The following ANKRD30B variants were observed in gnomAD, a reference collection of about 807,000 sequenced individuals.
ANKRD30B encodes the protein ankyrin repeat domain 30B.
In ANKRD30B, 144 loss-of-function variants were observed where a neutral mutation model predicts 202.2. The observed-to-expected ratio is 0.71, with a 90% CI of 0.62 to 0.82. The LOEUF (loss-of-function observed/expected upper bound fraction) is 0.82. Among genes scored for constraint, ANKRD30B ranks in the 40% least tolerant of loss-of-function variants. The pLI is 0.00. For missense variants in ANKRD30B, 1,487 were observed against 1,669.1 expected (o/e 0.89, Z 1.90); for synonymous variants, 508 against 561.3 (o/e 0.91, Z 1.34).
intron 4 of ANKRD30B, among the ~76,000 whole-genome samples, chr18:14,757,515 A>G (rs1361749955): frequency 1.3e-5 from 2 of 152,216 alleles, no homozygotes; most frequent in African/African-American, 2.4e-5. Context: ...ATATTATATC[A>G]GACTAAGCAA....
In ANKRD30B at chr18:14,764,376, A is replaced by T. The variant is rs200706121; in HGVS notation, c.1225+286A>T. 1.0e-3 allele frequency among the ~76,000 whole-genome samples: 148 copies of T among 146,438 alleles called. 2 individuals carry two copies. Among genetic ancestry groups the T allele is most frequent in the Middle Eastern group, 3.5e-3 (1 of 284 alleles). On this transcript the variant is annotated intron_variant, in intron 7 of 43. Coordinates refer to ENST00000690538, the MANE Select transcript of ANKRD30B (RefSeq NM_001367607.2). ...AGGGATATCATAGGATCCCTTTTGT[A>T]TTTTTTATTTTATTTTATTTATTTA...
intron 11 of ANKRD30B, among the ~76,000 whole-genome samples, chr18:14,781,474 T>C (rs1230963151): frequency 6.6e-6 from 1 of 152,128 alleles, no homozygotes; most frequent in Non-Finnish European, 1.5e-5. Context: ...TTTTTGCATT[T>C]TTTTAGTAGA....
intron 30 of ANKRD30B, among the ~76,000 whole-genome samples, chr18:14,815,746 T>C (rs1970062008): frequency 6.6e-6 from 1 of 152,212 alleles, no homozygotes; most frequent in South Asian, 2.1e-4. Flanking sequence ...TATTAATATT[T>C]AATAAGTCTG....
At chr18:14,931,669 A>C in the ANKRD30B span, among the ~76,000 whole-genome samples, 1 of 152,264 alleles carries the variant, frequency 6.6e-6, no homozygotes, top group East Asian at 1.9e-4. Context: ...GCAGCTGGAC[A>C]ACAGGAGTGT....
chr18:14,778,204 A>G, intron 10 of ANKRD30B, 129 bp downstream of exon 10: 3 of 648,222 alleles, frequency 4.6e-6, no homozygotes, highest in Non-Finnish European at 5.4e-6. Flanking sequence ...AAAGGCAGTG[A>G]AAGTTATGTG....
At chr18:14,807,787 TTTCCAAGG>T (rs1022014573) in intron 24 of ANKRD30B, among the ~76,000 whole-genome samples, 9 of 150,854 alleles carry the variant, frequency 6.0e-5, no homozygotes, top group African/African-American at 2.0e-4. Flanking sequence ...CCTCTTCGGG[TTTCCAAGG>T]TTCTGGAGAT....
intron 28 of ANKRD30B, among the ~76,000 whole-genome samples, chr18:14,811,052 T>C (rs1969887767): frequency 6.6e-6 from 1 of 151,196 alleles, no homozygotes; most frequent in Non-Finnish European, 1.5e-5. Flanking sequence ...GAGGCAGAAG[T>C]TGCAGTGAGC....
intron 4 of ANKRD30B, 84 bp from the exon 5 acceptor site, chr18:14,757,731 G>C: frequency 2.1e-6 from 3 of 1,400,608 alleles, no homozygotes; most frequent in Non-Finnish European, 2.9e-6. Context: ...ATGTTTGTTA[G>C]TACATGTAAA....
chr18:14,759,971 G>A (rs1435705192), intron 5 of ANKRD30B, among the ~76,000 whole-genome samples: 1 of 151,992 alleles, frequency 6.6e-6, no homozygotes, highest in African/African-American at 2.4e-5. Flanking sequence ...TGAACTTCTG[G>A]GCTCAAGCAA....
the ANKRD30B span, among the ~76,000 whole-genome samples, chr18:14,902,933 G>C: frequency 6.6e-6 from 1 of 152,190 alleles, no homozygotes; most frequent in Non-Finnish European, 1.5e-5. Flanking sequence ...GTGAGCATCT[G>C]TATTTTTTCT....
chr18:14,782,258 T>C (rs1234084632), intron 11 of ANKRD30B, among the ~76,000 whole-genome samples: 5 of 152,246 alleles, frequency 3.3e-5, no homozygotes, highest in African/African-American at 9.6e-5. Context: ...TTTTGAAATA[T>C]GCAGATGAGT....
At chr18:14,819,616 G>A (rs1484916662) in intron 30 of ANKRD30B, among the ~76,000 whole-genome samples, 1 of 152,066 alleles carries the variant, frequency 6.6e-6, no homozygotes, top group Non-Finnish European at 1.5e-5. Context: ...TTATTAAATA[G>A]GGAATCCTTT....
In ANKRD30B at chr18:14,822,417, C is replaced by T. The variant is rs1221446422; in HGVS notation, c.2642-66C>T. ...AGGATTCATCTTCATATTCACACTGCATGAATGTTTGGTAGACTTTGACAG... is the reference window on the plus strand; with the variant it reads ...AGGATTCATCTTCATATTCACACTGTATGAATGTTTGGTAGACTTTGACAG... On this transcript the variant is annotated intron_variant, in intron 30 of 43. Transcript: ENST00000690538. The T allele has an allele frequency of 2.9e-5, 26 of 909,718 alleles. No individual in the cohort carries two copies. In the East Asian group the frequency reaches 7.2e-4, roughly 25 times the overall value. 56.4% of individuals were successfully genotyped at this position (909,718 alleles called of 1,614,324 possible). A position where few individuals can be genotyped will look rare whatever the true frequency, so the allele number is the denominator to read the frequency against.
chr18:14,761,022 A>G (rs907840106), intron 6 of ANKRD30B, among the ~76,000 whole-genome samples: 1 of 152,090 alleles, frequency 6.6e-6, no homozygotes, highest in Non-Finnish European at 1.5e-5. Context: ...GCTCAGTAAC[A>G]GGGGATGATC....
chr18:14,775,150 A>C (rs756325624), intron 9 of ANKRD30B, among the ~76,000 whole-genome samples: 20 of 152,194 alleles, frequency 1.3e-4, no homozygotes, highest in Non-Finnish European at 2.8e-4. Flanking sequence ...GCAAACCAAG[A>C]AATTATTTTC....
rs187187107 is a variant in ANKRD30B, at chr18:14,784,594, G to A, written c.1672+59G>A. ...TAGTTCAATATTGGACATTTTGATAGTCTTTCTATCCCCAATGATTTATTT... is the reference window on the plus strand; with the variant it reads ...TAGTTCAATATTGGACATTTTGATAATCTTTCTATCCCCAATGATTTATTT... On this transcript the variant is annotated intron_variant, in intron 14 of 43. Coordinates refer to ENST00000690538, the MANE Select transcript of ANKRD30B (RefSeq NM_001367607.2). The A allele has an allele frequency of 2.1e-4, 316 of 1,518,556 alleles. No homozygotes were observed. The African/African-American group carries it at 3.3e-3, about 16-fold the overall frequency. 94.1% of individuals were successfully genotyped at this position (1,518,556 alleles called of 1,614,324 possible). A position where few individuals can be genotyped will look rare whatever the true frequency, so the allele number is the denominator to read the frequency against.
At chr18:14,753,436 G>C (rs9709980) in intron 3 of ANKRD30B, among the ~76,000 whole-genome samples, 81,577 of 151,874 alleles carry the variant, frequency 0.54, 22,233 homozygotes, top group Admixed American at 0.65. Context: ...TATGCTAAGA[G>C]AACGTTCTAG....
At chr18:14,833,129 G>T (rs1263714441) in intron 34 of ANKRD30B, among the ~76,000 whole-genome samples, 3 of 152,068 alleles carry the variant, frequency 2.0e-5, no homozygotes, top group African/African-American at 7.2e-5. Context: ...TAGAGACAGG[G>T]TGTCACCATG....
chr18:14,885,942 A>AT, the ANKRD30B span, among the ~76,000 whole-genome samples: 2 of 152,020 alleles, frequency 1.3e-5, no homozygotes, highest in South Asian at 2.1e-4. Flanking sequence ...TTCAAAGAAC[A>AT]TTTTTAAAAG....
Sources: allele counts gnomAD v4.1 joint callset (sites outside exome capture counted in the v4.1 genomes callset), GRCh38; gene constraint gnomAD v4.1.1; transcripts MANE v1.5; gene names NCBI Gene and HGNC (gene_info 2026-07-23, HGNC 2026-07-21).